The following VGLL4 variants were observed in gnomAD, a reference collection of about 807,000 sequenced individuals.
VGLL4 encodes the protein vestigial like family member 4, also known as transcription cofactor vestigial-like protein 4.
Under a neutral mutation model 21.0 loss-of-function variants are expected in VGLL4, and 7 were observed. That is an observed-to-expected ratio of 0.33 (90% CI 0.19 to 0.63). The LOEUF (loss-of-function observed/expected upper bound fraction) is 0.63, where lower values mean the gene tolerates loss of function less well. VGLL4 is among the 20% of genes least tolerant of loss of function. The pLI is 0.78. For synonymous variants in VGLL4, 222 were observed against 173.2 expected (o/e 1.28, Z -2.21); for missense variants, 394 against 425.7 (o/e 0.93, Z 0.66).
intron 2 of VGLL4, among the ~76,000 whole-genome samples, chr3:11,654,439 C>G (rs1266588986): frequency 6.6e-6 from 1 of 152,162 alleles, no homozygotes; most frequent in Non-Finnish European, 1.5e-5. Flanking sequence ...GAGCTGGGAC[C>G]AGAAGCTGTG....
intron 2 of VGLL4, among the ~76,000 whole-genome samples, chr3:11,587,215 G>C (rs557320013): frequency 5.5e-4 from 84 of 152,250 alleles, no homozygotes; most frequent in Non-Finnish European, 4.7e-4. Flanking sequence ...CAGTCCAAAG[G>C]GGGCCAGAGC....
intron 2 of VGLL4, chr3:11,671,131 T>G: frequency 9.6e-7 from 1 of 1,044,676 alleles, no homozygotes; most frequent in Admixed American, 2.7e-5. Context: ...GCACAAAAAG[T>G]GTTTTCATGA....
At chr3:11,642,526 G>A (rs2125331417) in intron 1 of VGLL4, among the ~76,000 whole-genome samples, 1 of 152,334 alleles carries the variant, frequency 6.6e-6, no homozygotes, top group African/African-American at 2.4e-5. Flanking sequence ...AGTCCCGGAT[G>A]TGTGTGTGGT....
intron 1 of VGLL4, among the ~76,000 whole-genome samples, chr3:11,607,834 AAAAGTC>A (rs1390221281): frequency 2.0e-5 from 3 of 152,254 alleles, no homozygotes; most frequent in Non-Finnish European, 4.4e-5. Context: ...TTAAGCTAAA[AAAAGTC>A]AAATCAGTGA....
chr3:11,626,999 A>C (rs1404538236), intron 1 of VGLL4, among the ~76,000 whole-genome samples: 1 of 152,082 alleles, frequency 6.6e-6, no homozygotes, highest in Non-Finnish European at 1.5e-5. Context: ...TTTGGCAAAC[A>C]TGCAAACGAG....
At chr3:11,711,755 G>A (rs2076850134) in intron 1 of VGLL4, among the ~76,000 whole-genome samples, 1 of 151,996 alleles carries the variant, frequency 6.6e-6, no homozygotes, top group African/African-American at 2.4e-5. Context: ...TATTTACTGG[G>A]TATCTCCTCT....
At chr3:11,567,064 G>C (rs1048798046) in intron 2 of VGLL4, among the ~76,000 whole-genome samples, 3 of 152,016 alleles carry the variant, frequency 2.0e-5, no homozygotes, top group Admixed American at 6.5e-5. Context: ...GGGCTGAGCA[G>C]GAGAAGCACC....
chr3:11,644,950 A>C (rs1187445345), upstream of VGLL4, among the ~76,000 whole-genome samples: 20 of 152,070 alleles, frequency 1.3e-4, no homozygotes, highest in Admixed American at 1.2e-3. Flanking sequence ...TTAAAAGTGT[A>C]CTTGAAATTA....
At chr3:11,614,231 T>C (rs1365584809) in intron 1 of VGLL4, among the ~76,000 whole-genome samples, 1 of 151,622 alleles carries the variant, frequency 6.6e-6, no homozygotes, top group Non-Finnish European at 1.5e-5. Context: ...GAGTGCCTCT[T>C]GTCAGCCTCA....
intron 2 of VGLL4, among the ~76,000 whole-genome samples, chr3:11,595,824 TG>T (rs55861251): frequency 0.92 from 136,403 of 147,668 alleles, 63,202 homozygotes; most frequent in African/African-American, 0.94. Context: ...CATCACACTC[TG>T]GGGACTGTTG....
Position 11,602,304 on chromosome 3 carries a change from C to T in VGLL4, c.83-282G>A, listed in dbSNP as rs1241949954. Among the ~76,000 whole-genome samples, 5 of 152,142 alleles carry T rather than the reference C, an allele frequency of 3.3e-5. No individual in the cohort carries two copies. The East Asian group carries it at 9.6e-4, about 29-fold the overall frequency. On this transcript the variant is annotated intron_variant, in intron 1 of 4. Transcript: ENST00000430365. ...AAAATAGCAGGGGGGAGGCAAAAAG[C>T]ATTTTCTGTAAACAATTTCAAAAGT...
intron 2 of VGLL4, among the ~76,000 whole-genome samples, chr3:11,678,289 A>G (rs13094183): frequency 0.53 from 80,451 of 151,934 alleles, 22,356 homozygotes; most frequent in Non-Finnish European, 0.63. Context: ...CTCCTGACCT[A>G]AAATGATGCA....
chr3:11,662,047 A>T (rs566452357), intron 2 of VGLL4, among the ~76,000 whole-genome samples: 2 of 152,384 alleles, frequency 1.3e-5, no homozygotes, highest in African/African-American at 4.8e-5. Context: ...TGACTCACAG[A>T]CATTAGCTGC....
intron 2 of VGLL4, among the ~76,000 whole-genome samples, chr3:11,576,824 C>T (rs1009481371): frequency 6.6e-6 from 1 of 152,232 alleles, no homozygotes; most frequent in Non-Finnish European, 1.5e-5. Flanking sequence ...CTCAGGAAGG[C>T]AGAGGGTGGA....
At chr3:11,578,412 G>C (rs866663418) in intron 2 of VGLL4, among the ~76,000 whole-genome samples, 5 of 152,134 alleles carry the variant, frequency 3.3e-5, no homozygotes, top group African/African-American at 1.2e-4. Flanking sequence ...CTGCCTGAAT[G>C]CCAGCCGCCT....
intron 2 of VGLL4, among the ~76,000 whole-genome samples, chr3:11,601,215 A>G: frequency 6.6e-6 from 1 of 152,200 alleles, no homozygotes. Context: ...GAGTTGAAGC[A>G]ATTCATGTCA....
chr3:11,580,808 A>G (rs2074201815), intron 2 of VGLL4, among the ~76,000 whole-genome samples: 1 of 152,252 alleles, frequency 6.6e-6, no homozygotes, highest in Non-Finnish European at 1.5e-5. Context: ...CACTAAATCC[A>G]GCAAACTTGG....
chr3:11,606,736 G>A (rs550513071), intron 1 of VGLL4, among the ~76,000 whole-genome samples: 6 of 152,282 alleles, frequency 3.9e-5, no homozygotes, highest in Admixed American at 1.3e-4. Flanking sequence ...TCAGCACTCT[G>A]TAAAATGGAC....
chr3:11,631,613 T>C (rs1231454346), intron 1 of VGLL4, among the ~76,000 whole-genome samples: 1 of 152,174 alleles, frequency 6.6e-6, no homozygotes, highest in African/African-American at 2.4e-5. Context: ...TGCTATAAAG[T>C]AAGACTGTGA....
Sources: allele counts gnomAD v4.1 joint callset (sites outside exome capture counted in the v4.1 genomes callset), GRCh38; gene constraint gnomAD v4.1.1; transcripts MANE v1.5; gene names NCBI Gene and HGNC (gene_info 2026-07-23, HGNC 2026-07-21).